The following GRIK4 variants were observed in gnomAD, a reference collection of about 807,000 sequenced individuals.
GRIK4 encodes glutamate receptor ionotropic, kainate 4.
GRIK4 carries 40 observed loss-of-function variants against 104.9 expected under a neutral mutation model. The ratio of observed to expected loss-of-function variants is 0.38; its 90% confidence interval spans 0.30 to 0.50. The LOEUF (loss-of-function observed/expected upper bound fraction) is 0.50, where lower values mean the gene tolerates loss of function less well. Ranked by LOEUF, GRIK4 falls within the 20% of genes least tolerant of loss-of-function variation. The probability of loss-of-function intolerance (pLI) is 0.93; values close to 1 mark genes in which losing one functional copy is unlikely to be tolerated. For missense variants in GRIK4, 1,047 were observed against 1,308.1 expected, an observed-to-expected ratio of 0.80 and a Z score of 3.08; for synonymous variants, 485 against 524.9, an observed-to-expected ratio of 0.92 and a Z score of 1.04.
chr11:120,873,925 AG>A, intron 9 of GRIK4, 140 bp from the exon 10 acceptor site: 1 of 722,846 alleles, frequency 1.4e-6, no homozygotes, highest in Non-Finnish European at 2.3e-6. Flanking sequence ...ACGTGGGCCA[AG>A]GGTGATGAAG....
chr11:120,966,444 C>T (rs1248030128), intron 18 of GRIK4, among the ~76,000 whole-genome samples: 1 of 152,220 alleles, frequency 6.6e-6, no homozygotes, highest in Non-Finnish European at 1.5e-5. Flanking sequence ...GCAATCTCAG[C>T]TCACTGCACC....
chr11:120,777,463 TCTTA>T (rs1952065648), intron 3 of GRIK4, among the ~76,000 whole-genome samples: 1 of 152,258 alleles, frequency 6.6e-6, no homozygotes, highest in South Asian at 2.1e-4. Context: ...GCCATTCATG[TCTTA>T]CTTGGGAAGT....
At chr11:120,679,132 C>G (rs1205881407) in intron 3 of GRIK4, among the ~76,000 whole-genome samples, 2 of 152,064 alleles carry the variant, frequency 1.3e-5, no homozygotes, top group East Asian at 3.8e-4. Context: ...ATGTGCCAGG[C>G]AGTATGGTAA....
rs559566365 is a variant in GRIK4 at position 120,974,861 on chromosome 11, T to G, written c.2396-7245T>G. ...CTCCATTCCAAGCTGTTTCATTTTC[T>G]TCTGCCTTTTCTTTTCAAAAAACAC... On this transcript the variant is annotated intron_variant, in intron 19 of 20. Coordinates refer to ENST00000527524, the MANE Select transcript of GRIK4 (RefSeq NM_014619.5). Among the ~76,000 whole-genome samples the G allele has an allele frequency of 4.1e-3, 623 of 152,376 alleles. 8 individuals carry two copies. The highest frequency in any genetic ancestry group is 0.014 in the African/African-American group (600 of 41,586).
intron 6 of GRIK4, among the ~76,000 whole-genome samples, chr11:120,825,484 A>C (rs1019370702): frequency 6.6e-6 from 1 of 152,290 alleles, no homozygotes; most frequent in African/African-American, 2.4e-5. Flanking sequence ...CCTTACTCTG[A>C]TCTCTTTCAA....
At chr11:120,582,596 A>G (rs1647829117) in intron 1 of GRIK4, among the ~76,000 whole-genome samples, 1 of 152,192 alleles carries the variant, frequency 6.6e-6, no homozygotes, top group Non-Finnish European at 1.5e-5. Context: ...CTTATAAGTA[A>G]GAACATGCAG....
chr11:120,985,786 A>G, intron 20 of GRIK4, 118 bp from the exon 21 acceptor site: 1 of 847,544 alleles, frequency 1.2e-6, no homozygotes. Flanking sequence ...TCATCTTCAT[A>G]CTTAAGATGA....
intron 1 of GRIK4, among the ~76,000 whole-genome samples, chr11:120,638,962 C>G (rs1033375712): frequency 4.0e-5 from 6 of 151,884 alleles, no homozygotes; most frequent in African/African-American, 1.5e-4. Flanking sequence ...TTTGGGAGGC[C>G]AAGGCGGGCT....
intron 1 of GRIK4, among the ~76,000 whole-genome samples, chr11:120,580,484 C>G (rs981117952): frequency 5.9e-5 from 9 of 151,978 alleles, no homozygotes; most frequent in African/African-American, 2.2e-4. Flanking sequence ...CCATGTTGGC[C>G]AGGCTGGTCT....
chr11:120,973,913 AT>A lies in GRIK4; in HGVS notation c.2395+6602del, dbSNP rs5795258. ...ACCCAAAGATCTCTTCCCTTAAATC[AT>A]TTTTTTTTTTTGAGACAGATTCTCA... On this transcript the variant is annotated intron_variant, in intron 19 of 20. Coordinates refer to ENST00000527524, the MANE Select transcript of GRIK4 (RefSeq NM_014619.5). Among the ~76,000 whole-genome samples the A allele has an allele frequency of 5.2e-4, 78 of 149,088 alleles. 1 individual carries two copies. Among genetic ancestry groups the A allele is most frequent in the East Asian group, 4.9e-3 (25 of 5,098 alleles).
rs572687124 is a variant in GRIK4, at chr11:120,606,790, TC to T, written c.-158-46894del. On this transcript the variant is annotated intron_variant, in intron 1 of 20. Transcript: ENST00000527524. The stretch of plus-strand genomic sequence containing the variant: ...TTTAGAGAAGGAACAGCCCTTGAGC[TC>T]AGGCTTCAGCTAAGAATGAGTTTGC... 1.2e-4 allele frequency among the ~76,000 whole-genome samples: 18 copies of T among 152,312 alleles called. No homozygotes were observed. The South Asian group carries it at 3.5e-3, about 30-fold the overall frequency.
At chr11:120,682,312 G>C (rs1950206484) in intron 3 of GRIK4, among the ~76,000 whole-genome samples, 1 of 152,220 alleles carries the variant, frequency 6.6e-6, no homozygotes, top group Non-Finnish European at 1.5e-5. Context: ...AAGGCAAGAT[G>C]GTGGCAGCCA....
intron 13 of GRIK4, among the ~76,000 whole-genome samples, chr11:120,924,514 G>C (rs1386657719): frequency 6.6e-6 from 1 of 152,152 alleles, no homozygotes; most frequent in Non-Finnish European, 1.5e-5. Flanking sequence ...ATCCCTGTGT[G>C]ATCAATCACT....
At chr11:120,785,223 G>A (rs1952242129) in intron 3 of GRIK4, among the ~76,000 whole-genome samples, 1 of 152,176 alleles carries the variant, frequency 6.6e-6, no homozygotes, top group Non-Finnish European at 1.5e-5. Flanking sequence ...GGATATCCCG[G>A]GCACTGAACT....
intron 3 of GRIK4, among the ~76,000 whole-genome samples, chr11:120,696,445 T>C (rs1258678213): frequency 7.1e-6 from 1 of 141,132 alleles, no homozygotes; most frequent in East Asian, 2.2e-4. Context: ...GTCTGAGCTA[T>C]GTTTTGAGCA....
chr11:120,912,049 A>C (rs190346685), intron 13 of GRIK4, among the ~76,000 whole-genome samples: 1 of 152,208 alleles, frequency 6.6e-6, no homozygotes, highest in African/African-American at 2.4e-5. Flanking sequence ...AAATGGGATT[A>C]TACTATATGC....
intron 3 of GRIK4, among the ~76,000 whole-genome samples, chr11:120,774,343 T>C (rs1184541520): frequency 6.6e-6 from 1 of 152,130 alleles, no homozygotes; most frequent in Non-Finnish European, 1.5e-5. Flanking sequence ...TGTGTATTTG[T>C]GTGTGTGGAG....
At chr11:120,533,850 C>T (rs1355718799) in intron 1 of GRIK4, among the ~76,000 whole-genome samples, 1 of 152,208 alleles carries the variant, frequency 6.6e-6, no homozygotes, top group Non-Finnish European at 1.5e-5. Flanking sequence ...GCACTCCAGC[C>T]TGGGTGACAG....
At chr11:120,778,179 A>G (rs978814707) in intron 3 of GRIK4, among the ~76,000 whole-genome samples, 1 of 152,162 alleles carries the variant, frequency 6.6e-6, no homozygotes, top group Non-Finnish European at 1.5e-5. Flanking sequence ...GAAGGCAGGG[A>G]CCATGAATAC....
Sources: allele counts gnomAD v4.1 joint callset (sites outside exome capture counted in the v4.1 genomes callset), GRCh38; gene constraint gnomAD v4.1.1; transcripts MANE v1.5; gene names NCBI Gene and HGNC (gene_info 2026-07-23, HGNC 2026-07-21).